The following PCNX3 variants were observed in gnomAD, a reference collection of about 807,000 sequenced individuals.
PCNX3 encodes the protein pecanex-like protein 3.
PCNX3 carries 58 observed loss-of-function variants against 207.2 expected under a neutral mutation model. The observed-to-expected ratio is 0.28, with a 90% CI of 0.23 to 0.35. The LOEUF is 0.35. PCNX3 is among the 10% of genes least tolerant of loss of function. The probability of loss-of-function intolerance (pLI) is 1.00; values close to 1 mark genes in which losing one functional copy is unlikely to be tolerated. For synonymous variants in PCNX3, 1,337 were observed against 1,183.5 expected (o/e 1.13, Z -2.66); for missense variants, 2,410 against 2,774.4 (o/e 0.87, Z 2.95).
chr11:65,623,751 C>T (rs1191286522), intron 12 of PCNX3, 107 bp downstream of exon 12: 8 of 1,534,374 alleles, frequency 5.2e-6, no homozygotes, highest in African/African-American at 2.8e-5. Flanking sequence ...GATAATTTGT[C>T]TAAGGTTCCC....
At chr11:65,624,065 C>A in intron 13 of PCNX3, 104 bp downstream of exon 13, 1 of 1,571,894 alleles carries the variant, frequency 6.4e-7, no homozygotes, top group Non-Finnish European at 8.6e-7. Flanking sequence ...CCCTCACCAC[C>A]CCCATCACCC....
At chr11:65,627,731 G>A in intron 22 of PCNX3, 149 bp downstream of exon 22, 2 of 979,460 alleles carry the variant, frequency 2.0e-6, no homozygotes, top group Non-Finnish European at 3.0e-6. Flanking sequence ...CAAGGAAGGG[G>A]TTACTTCCAC....
intron 11 of PCNX3, among the ~76,000 whole-genome samples, chr11:65,622,622 GTC>G (rs1294991348): frequency 3.3e-5 from 5 of 152,184 alleles, no homozygotes; most frequent in Admixed American, 6.5e-5. Context: ...TTGAGACGGA[GTC>G]TCTCTCTGTC....
In PCNX3 at chr11:65,616,456, C is replaced by T. The variant is rs1425771384; in HGVS notation, c.145C>T (p.Leu49=). ...CTTCCTGCTCATCTTTCCCTTCTTA[C>T]TGTACATGGTGAGACGCCACGGCCA... ...WIFLLIFPFL[L]YMVLPPSLMV... Residue 49 remains leucine (L), a synonymous_variant, in exon 1 of 35, where the codon CTG becomes TTG. Coordinates refer to ENST00000355703, the MANE Select transcript of PCNX3 (RefSeq NM_032223.4). The T allele has an allele frequency of 3.7e-6, 6 of 1,606,966 alleles. No individual in the cohort carries two copies. The highest frequency in any genetic ancestry group is 3.3e-4 in the Middle Eastern group (2 of 6,074).
Position 65,628,632 on chromosome 11 carries a change from C to T in PCNX3, c.3740C>T (p.Thr1247Ile). Residue 1247 changes from threonine to isoleucine, a missense_variant, in exon 23 of 35, where the codon ACC becomes ATC. Around this residue, in one of 8 missense-constraint regions of PCNX3, gnomAD observed 420 missense variants for 705.3 expected, o/e 0.60. Coordinates refer to ENST00000355703, the MANE Select transcript of PCNX3 (RefSeq NM_032223.4). ...CTGTACAAGCTGCGTTTCGTGCTGA[C>T]CTACATCGCGCCCTGGCAGATCACC... ...DLLYKLRFVL[T>I]YIAPWQITWG... is the part of the protein sequence containing the mutation. 1 of 1,613,684 alleles carries T rather than the reference C, an allele frequency of 6.2e-7. No homozygotes were observed. The highest frequency in any genetic ancestry group is 8.5e-7 in the Non-Finnish European group (1 of 1,179,896).
In PCNX3 at chr11:65,623,972, A is replaced by G; in HGVS notation, c.2544+11A>G. The G allele has an allele frequency of 1.2e-6, 2 of 1,610,984 alleles. No homozygotes were observed. The highest frequency in any genetic ancestry group is 2.2e-5 in the East Asian group (1 of 44,862). ...GCGTCCCCCATGCACGTGAGTACCC[A>G]TGGAGCAGCGCCTCTGGCCAGGAGG... On this transcript the variant is annotated intron_variant, in intron 13 of 34. Transcript: ENST00000355703.
At chr11:65,619,140 A>C (rs1854929581) in intron 6 of PCNX3, 73 bp downstream of exon 6, 2 of 1,224,150 alleles carry the variant, frequency 1.6e-6, no homozygotes. Context: ...AGGGCAGGTA[A>C]GAATGGACCT....
chr11:65,628,111 C>G (rs556019093), intron 22 of PCNX3, among the ~76,000 whole-genome samples: 1 of 152,298 alleles, frequency 6.6e-6, no homozygotes, highest in South Asian at 2.1e-4. Flanking sequence ...AGGCCTGAGC[C>G]TTTTTCTTCC....
rs1368124031 is a variant in PCNX3 at position 65,627,777 on chromosome 11, G to A, written c.3702+195G>A. Among the ~76,000 whole-genome samples the A allele has an allele frequency of 2.0e-5, 3 of 152,140 alleles. No individual in the cohort carries two copies. In the South Asian group the frequency reaches 6.2e-4, roughly 31 times the overall value. On this transcript the variant is annotated intron_variant, in intron 22 of 34. Coordinates refer to ENST00000355703, the MANE Select transcript of PCNX3 (RefSeq NM_032223.4). ...GAGGAAGCAGGCTGAAGGAGGTTGA[G>A]GGACTTGCCTCAGGCTTCCAGAGAA... is the stretch of plus-strand genomic sequence containing the variant.
At chr11:65,626,175 C>G in intron 20 of PCNX3, 121 bp downstream of exon 20, 1 of 1,316,150 alleles carries the variant, frequency 7.6e-7, no homozygotes, top group Non-Finnish European at 1.1e-6. Flanking sequence ...CCCACACTAC[C>G]CTTTCTGCTC....
intron 21 of PCNX3, 21 bp from the exon 22 acceptor site, chr11:65,627,384 A>G (rs759652528): frequency 6.2e-7 from 1 of 1,603,014 alleles, no homozygotes; most frequent in South Asian, 1.1e-5. Flanking sequence ...CAAGCACCCG[A>G]TGCCTGCCCC....
At chr11:65,624,760 C>T (rs574556907) in intron 15 of PCNX3, among the ~76,000 whole-genome samples, 165 bp from the exon 16 acceptor site, 1 of 152,312 alleles carries the variant, frequency 6.6e-6, no homozygotes, top group East Asian at 1.9e-4. Context: ...ATCTGAGAAT[C>T]TTGGAAGCTC....
rs1855442545 is a variant in PCNX3, at chr11:65,627,300, A to G, written c.3525-105A>G. ...AGAGCAGGGACCAGCCCAGCAGAGC[A>G]GAGGCCAGGGGTTGCTCTCCGGCCA... On this transcript the variant is annotated intron_variant, in intron 21 of 34. Coordinates refer to ENST00000355703, the MANE Select transcript of PCNX3 (RefSeq NM_032223.4). The G allele has an allele frequency of 7.0e-6, 9 of 1,290,084 alleles. No homozygotes were observed. The Admixed American group carries it at 2.0e-4, about 28-fold the overall frequency. 79.9% of individuals were successfully genotyped at this position (1,290,084 alleles called of 1,614,324 possible). A position where few individuals can be genotyped will look rare whatever the true frequency, so the allele number is the denominator to read the frequency against.
rs1855542401 is a variant in PCNX3 at position 65,629,717 on chromosome 11, C to T, written c.4198C>T (p.Arg1400Cys). The change falls in exon 26 of 35, where the codon CGT becomes TGT. Residue 1400 changes from arginine (R) to cysteine (C), a missense_variant. Transcript: ENST00000355703. The stretch of plus-strand genomic sequence containing the variant: ...CAATGGCCTCGTCACCTTCCAGCTG[C>T]GTGGCCTTGAGTTCCGGGGTGAGCC... ...VGNGLVTFQL[R>C]GLEFRGTYCQ... The T allele has an allele frequency of 1.3e-6, 2 of 1,551,332 alleles. No individual in the cohort carries two copies. The highest frequency in any genetic ancestry group is 1.7e-6 in the Non-Finnish European group (2 of 1,147,858).
At position 65,625,004 on chromosome 11, in the gene PCNX3, T is replaced by G; in HGVS notation, c.2907T>G (p.Leu969=). The change falls in exon 16 of 35, where the codon CTT becomes CTG. Residue 969 remains leucine, a synonymous_variant. Coordinates refer to ENST00000355703, the MANE Select transcript of PCNX3 (RefSeq NM_032223.4). The surrounding 1 kb of genome is among the most constrained non-coding windows in gnomAD (Gnocchi z 5.6). Reference sequence around the variant, plus strand: ...CTGCCCTGCTCTACGGTTTCTGCCTTGGGGCCATCAAGGTAGGGGTGGCTT... The same window carrying G: ...CTGCCCTGCTCTACGGTTTCTGCCTGGGGGCCATCAAGGTAGGGGTGGCTT... The part of the protein sequence containing the change: ...LAAALLYGFC[L]GAIKTPWPEQ... The G allele has an allele frequency of 6.2e-7, 1 of 1,612,616 alleles. No homozygotes were observed. Among genetic ancestry groups the G allele is most frequent in the Non-Finnish European group, 8.5e-7 (1 of 1,179,534 alleles).
In PCNX3 at chr11:65,635,057, C is replaced by A; in HGVS notation, c.4890C>A (p.Ala1630=). 6.2e-7 allele frequency: 1 copy of A among 1,613,880 alleles called. No individual in the cohort carries two copies. The highest frequency in any genetic ancestry group is 8.5e-7 in the Non-Finnish European group (1 of 1,179,838). Residue 1630 remains alanine, a synonymous_variant, in exon 30 of 35, where the codon GCC becomes GCA. Transcript: ENST00000355703. The surrounding 1 kb of genome is among the most constrained non-coding windows in gnomAD (Gnocchi z 9.9). The part of the protein sequence containing the change: ...ITSPRDEWVF[A]DMDLLHRVVA... Reference sequence around the variant, plus strand: ...CCCCACGTGACGAGTGGGTCTTTGCCGACATGGACCTGCTTCACCGCGTTG... The same window carrying A: ...CCCCACGTGACGAGTGGGTCTTTGCAGACATGGACCTGCTTCACCGCGTTG...
chr11:65,627,683 G>A (rs1047726893), intron 22 of PCNX3, 101 bp downstream of exon 22: 57 of 1,402,248 alleles, frequency 4.1e-5, no homozygotes, highest in Admixed American at 1.4e-4. Context: ...TGTGGCCACC[G>A]CTCTGTATCA....
At chr11:65,616,800 G>C (rs1203219637) in intron 1 of PCNX3, 24 bp from the exon 2 acceptor site, 1 of 1,600,310 alleles carries the variant, frequency 6.2e-7, no homozygotes, top group South Asian at 1.1e-5. Flanking sequence ...TGTGAAAAGG[G>C]ACCTGGCTTA....
Position 65,624,458 on chromosome 11 carries a change from C to A in PCNX3, c.2717-13C>A. 6.3e-7 allele frequency: 1 copy of A among 1,580,428 alleles called. No homozygotes were observed. Among genetic ancestry groups the A allele is most frequent in the East Asian group, 2.3e-5 (1 of 43,206 alleles). On this transcript the variant is annotated splice_polypyrimidine_tract_variant and intron_variant, in intron 14 of 34. Coordinates refer to ENST00000355703, the MANE Select transcript of PCNX3 (RefSeq NM_032223.4). ...AGCAGGCTGACCAGGCCTTCGTGTC[C>A]CCTCCCTGCCAGTGTTCACCCTGTG...
Sources: allele counts gnomAD v4.1 joint callset (sites outside exome capture counted in the v4.1 genomes callset), GRCh38; gene constraint gnomAD v4.1.1; regional missense constraint gnomAD v4.1.1; non-coding constraint Gnocchi (gnomAD v3.1); transcripts MANE v1.5; gene names NCBI Gene and HGNC (gene_info 2026-07-23, HGNC 2026-07-21).